GOLGA4: variants seen among roughly 807,000 people sequenced by gnomAD.
GOLGA4 encodes golgin subfamily A member 4.
Under a neutral mutation model 265.9 loss-of-function variants are expected in GOLGA4, and 169 were observed. That is an observed-to-expected ratio of 0.64 (90% confidence interval 0.56 to 0.72). GOLGA4 has a LOEUF of 0.72. GOLGA4 is among the 30% of genes least tolerant of loss of function. The pLI, the probability that GOLGA4 is intolerant of heterozygous loss-of-function variation, is 0.00. For missense variants in GOLGA4, 2,482 were observed against 2,483.4 expected, an observed-to-expected ratio of 1.00 and a Z score of 0.01; for synonymous variants, 923 against 855.8, an observed-to-expected ratio of 1.08 and a Z score of -1.37.
intron 16 of GOLGA4, 66 bp from the exon 17 acceptor site, chr3:37,334,987 A>G (rs1024996290): frequency 7.6e-5 from 71 of 937,260 alleles, no homozygotes; most frequent in Non-Finnish European, 1.1e-4. Flanking sequence ...TGCTTTTTTG[A>G]TGTGTTTGTT....
chr3:37,300,586 A>G (rs1489279726), intron 9 of GOLGA4, among the ~76,000 whole-genome samples: 2 of 152,154 alleles, frequency 1.3e-5, no homozygotes, highest in African/African-American at 4.8e-5. Context: ...TCAACAGTTA[A>G]CATCTCATGA....
intron 2 of GOLGA4, among the ~76,000 whole-genome samples, chr3:37,277,590 G>A (rs2096822879): frequency 6.6e-6 from 1 of 152,122 alleles, no homozygotes; most frequent in South Asian, 2.1e-4. Context: ...AAATAATTTT[G>A]TCCCAAGTCT....
At chr3:37,289,522 T>A (rs927776437) in intron 5 of GOLGA4, among the ~76,000 whole-genome samples, 1 of 152,256 alleles carries the variant, frequency 6.6e-6, no homozygotes, top group African/African-American at 2.4e-5. Flanking sequence ...ATCAATTGTC[T>A]GCATGAACAG....
At chr3:37,264,527 G>A (rs1195244317) in intron 2 of GOLGA4, among the ~76,000 whole-genome samples, 1 of 152,004 alleles carries the variant, frequency 6.6e-6, no homozygotes, top group African/African-American at 2.4e-5. Context: ...AATTATGATG[G>A]TCTCTAATGT....
At position 37,298,935 on chromosome 3, in the gene GOLGA4, A is replaced by T; in HGVS notation, c.917A>T (p.Lys306Met). 6.2e-7 allele frequency: 1 copy of T among 1,613,238 alleles called. No homozygotes were observed. Among genetic ancestry groups the T allele is most frequent in the South Asian group, 1.1e-5 (1 of 91,024 alleles). Residue 306 changes from lysine to methionine, a missense_variant, in exon 8 of 24, where the codon AAG (lysine) becomes ATG (methionine). Transcript: ENST00000361924. ...KRCKETIQSHKEQCTLLTSEK... is the reference protein window; with the variant it reads ...KRCKETIQSHMEQCTLLTSEK... The stretch of plus-strand genomic sequence containing the variant: ...TGTAAGGAAACAATTCAGTCACATA[A>T]GGAACAATGTACACTATTAACTAGT...
Position 37,315,544 on chromosome 3 carries a change from C to T in GOLGA4, c.1359C>T (p.Ile453=). The change falls in exon 11 of 24, where the codon ATC becomes ATT. Residue 453 remains isoleucine (I), a synonymous_variant. Coordinates refer to ENST00000361924, the MANE Select transcript of GOLGA4 (RefSeq NM_002078.5). Reference sequence around the variant, plus strand: ...AAAAAACAAGTGAGGAGGAACGCATCAGTCTTCAACAGGAATTAAGTCGGG... The same window carrying T: ...AAAAAACAAGTGAGGAGGAACGCATTAGTCTTCAACAGGAATTAAGTCGGG... ...TIEKTSEEER[I]SLQQELSRVK... 1 of 1,613,812 alleles carries T rather than the reference C, an allele frequency of 6.2e-7. No individual in the cohort carries two copies. The highest frequency in any genetic ancestry group is 1.3e-5 in the African/African-American group (1 of 75,030).
chr3:37,279,642 C>T lies in GOLGA4; in HGVS notation c.163-2316C>T, dbSNP rs1442532693. On this transcript the variant is annotated intron_variant, in intron 2 of 23. Transcript: ENST00000361924. ...CCTGCAGAGGCCCAGCGTGTTGGCT[C>T]ACACCTGTAATACTGGCACTTTCGG... Among the ~76,000 whole-genome samples the T allele has an allele frequency of 3.3e-5, 5 of 152,282 alleles. No homozygotes were observed. The East Asian group carries it at 5.8e-4, about 18-fold the overall frequency.
intron 1 of GOLGA4, 37 bp from the exon 2 acceptor site, chr3:37,251,358 T>C (rs757015582): frequency 9.4e-6 from 12 of 1,276,644 alleles, no homozygotes; most frequent in Non-Finnish European, 1.1e-5. Context: ...CTAGTCAATA[T>C]AGTCTTGCTA....
intron 2 of GOLGA4, among the ~76,000 whole-genome samples, chr3:37,263,766 A>C (rs2096776419): frequency 6.6e-6 from 1 of 152,220 alleles, no homozygotes; most frequent in African/African-American, 2.4e-5. Context: ...TGAGAGTTTC[A>C]AATAGTCTTC....
chr3:37,292,218 G>A (rs62244338), intron 5 of GOLGA4, among the ~76,000 whole-genome samples: 10,846 of 152,244 alleles, frequency 0.071, 437 homozygotes, highest in Non-Finnish European at 0.1. Flanking sequence ...ACAGAGTCCA[G>A]CATGGAAGGT....
chr3:37,344,232 G>C (rs1264402858), intron 20 of GOLGA4, among the ~76,000 whole-genome samples: 2 of 152,318 alleles, frequency 1.3e-5, no homozygotes, highest in East Asian at 3.9e-4. Context: ...CTCTAAAGTA[G>C]CTGGGATTAC....
At chr3:37,283,320 T>A (rs771883226) in intron 3 of GOLGA4, among the ~76,000 whole-genome samples, 8 of 152,204 alleles carry the variant, frequency 5.3e-5, no homozygotes, top group Non-Finnish European at 8.8e-5. Context: ...GCCATGTATG[T>A]CATGAGGCAC....
intron 10 of GOLGA4, among the ~76,000 whole-genome samples, chr3:37,312,169 A>G (rs2096924759): frequency 6.6e-6 from 1 of 152,228 alleles, no homozygotes; most frequent in Non-Finnish European, 1.5e-5. Flanking sequence ...TATATGCTGG[A>G]TAATAATGAA....
intron 12 of GOLGA4, chr3:37,319,457 A>G: frequency 5.2e-6 from 1 of 193,282 alleles, no homozygotes; most frequent in Non-Finnish European, 1.1e-5. Flanking sequence ...TGCAGTGGTG[A>G]GATCTTGGCT....
intron 11 of GOLGA4, among the ~76,000 whole-genome samples, chr3:37,318,475 G>C (rs1200111256): frequency 6.6e-6 from 1 of 151,904 alleles, no homozygotes; most frequent in African/African-American, 2.4e-5. Flanking sequence ...ATGCTGTTTG[G>C]TAGCTTCTTA....
At chr3:37,347,968 A>G (rs971328308) in intron 21 of GOLGA4, among the ~76,000 whole-genome samples, 4 of 152,310 alleles carry the variant, frequency 2.6e-5, no homozygotes, top group South Asian at 2.1e-4. Context: ...CCTTTCTTCA[A>G]ACAAAATTTT....
chr3:37,245,988 C>G (rs747604306), intron 1 of GOLGA4, among the ~76,000 whole-genome samples: 1 of 152,152 alleles, frequency 6.6e-6, no homozygotes, highest in Non-Finnish European at 1.5e-5. Flanking sequence ...GGTGGCCTTA[C>G]GCCTGTAATC....
intron 16 of GOLGA4, among the ~76,000 whole-genome samples, chr3:37,331,311 C>G (rs1043576203): frequency 6.6e-6 from 1 of 152,150 alleles, no homozygotes; most frequent in African/African-American, 2.4e-5. Context: ...TTTAGGGTAG[C>G]TAGTGCCTGC....
At chr3:37,274,336 A>G (rs949180444) in intron 2 of GOLGA4, among the ~76,000 whole-genome samples, 3 of 152,106 alleles carry the variant, frequency 2.0e-5, no homozygotes, top group African/African-American at 4.8e-5. Context: ...AAAGTTATTT[A>G]TAAAGAGGGG....
Sources: allele counts gnomAD v4.1 joint callset (sites outside exome capture counted in the v4.1 genomes callset), GRCh38; gene constraint gnomAD v4.1.1; transcripts MANE v1.5; gene names NCBI Gene and HGNC (gene_info 2026-07-23, HGNC 2026-07-21).